The following KLHL29 variants were observed in gnomAD, a reference collection of about 807,000 sequenced individuals.
KLHL29 encodes the protein kelch-like protein 29.
Under a neutral mutation model 80.4 loss-of-function variants are expected in KLHL29, and 21 were observed. The observed-to-expected ratio is 0.26, with a 90% CI of 0.19 to 0.38. The LOEUF is 0.38. Ranked by LOEUF, KLHL29 falls within the 10% of genes least tolerant of loss-of-function variation. KLHL29 has a pLI of 1.00. For synonymous variants in KLHL29, 511 were observed against 526.8 expected (o/e 0.97, Z 0.41); for missense variants, 867 against 1,223.9 (o/e 0.71, Z 4.35).
intron 3 of KLHL29, among the ~76,000 whole-genome samples, chr2:23,566,493 G>A (rs190046285): frequency 1.3e-5 from 2 of 152,326 alleles, no homozygotes; most frequent in East Asian, 1.9e-4. Flanking sequence ...CATTGTTATG[G>A]TAACTTTTCC....
chr2:23,701,983 T>A (rs1394953595), intron 11 of KLHL29, among the ~76,000 whole-genome samples: 1 of 149,598 alleles, frequency 6.7e-6, no homozygotes, highest in African/African-American at 2.4e-5. Flanking sequence ...CAGCTAATTT[T>A]TTTTTTTTTT....
intron 1 of KLHL29, among the ~76,000 whole-genome samples, chr2:23,465,947 G>T (rs999498354): frequency 6.6e-6 from 1 of 151,806 alleles, no homozygotes; most frequent in South Asian, 2.1e-4. Context: ...TGCCAATCCC[G>T]CCACCTTCCC....
In KLHL29 at chr2:23,682,658, C is replaced by A. The variant is rs567607108; in HGVS notation, c.941-1741C>A. Among the ~76,000 whole-genome samples the A allele has an allele frequency of 1.4e-3, 215 of 152,252 alleles. No individual in the cohort carries two copies. The highest frequency in any genetic ancestry group is 2.9e-3 in the Non-Finnish European group (196 of 68,002). On this transcript the variant is annotated intron_variant, in intron 5 of 13. Coordinates refer to ENST00000486442, the MANE Select transcript of KLHL29 (RefSeq NM_052920.2). The surrounding 1 kb of genome is among the most constrained non-coding windows in gnomAD (Gnocchi z 4.1). ...CCCTTTTGTCCACCTGCACCTGCCC[C>A]CTCGTGCTCCTGCACCCTCCCACAC...
chr2:23,476,844 C>T (rs1259209822), intron 2 of KLHL29, among the ~76,000 whole-genome samples: 1 of 152,216 alleles, frequency 6.6e-6, no homozygotes, highest in Admixed American at 6.5e-5. Flanking sequence ...TGGGAGGGCA[C>T]AATCTTATGA....
chr2:23,539,431 CCTTTTTTTTTTT>C (rs1335279561), intron 2 of KLHL29, among the ~76,000 whole-genome samples: 4 of 107,216 alleles, frequency 3.7e-5, no homozygotes, highest in Non-Finnish European at 5.6e-5. Context: ...TATCCTGCCT[CCTTTTTTTTTTT>C]TTTTTTTTTT....
intron 2 of KLHL29, among the ~76,000 whole-genome samples, chr2:23,524,505 G>A (rs974468112): frequency 1.3e-5 from 2 of 152,246 alleles, no homozygotes; most frequent in Non-Finnish European, 2.9e-5. Context: ...GTGGCCACAC[G>A]GCTGGCAGGC....
At chr2:23,632,857 A>G (rs1198784450) in intron 3 of KLHL29, among the ~76,000 whole-genome samples, 1 of 152,220 alleles carries the variant, frequency 6.6e-6, no homozygotes, top group Non-Finnish European at 1.5e-5. Context: ...GCCTCCTCAC[A>G]TCACCCAGCT....
chr2:23,645,677 C>A (rs1669908116), intron 5 of KLHL29, among the ~76,000 whole-genome samples: 1 of 152,130 alleles, frequency 6.6e-6, no homozygotes, highest in African/African-American at 2.4e-5. Flanking sequence ...GAGGGATGGG[C>A]CACTGGTATT....
intron 2 of KLHL29, among the ~76,000 whole-genome samples, chr2:23,483,574 A>G (rs1333782287): frequency 1.3e-5 from 2 of 152,118 alleles, no homozygotes; most frequent in Non-Finnish European, 2.9e-5. Flanking sequence ...TCCAACTCCA[A>G]TTTGTTGGAA....
At chr2:23,410,452 G>T (rs1029377427) in intron 1 of KLHL29, among the ~76,000 whole-genome samples, 2 of 152,170 alleles carry the variant, frequency 1.3e-5, no homozygotes, top group Non-Finnish European at 2.9e-5. Flanking sequence ...AGGTATATTG[G>T]AGAAAACTGA....
chr2:23,456,960 G>A (rs1664072248), intron 1 of KLHL29, among the ~76,000 whole-genome samples: 1 of 152,202 alleles, frequency 6.6e-6, no homozygotes, highest in Admixed American at 6.5e-5. Flanking sequence ...AGGTCACACA[G>A]GCCACCGCAG....
chr2:23,642,156 G>A (rs184198631), intron 4 of KLHL29, among the ~76,000 whole-genome samples, 182 bp from the exon 5 acceptor site: 20 of 152,250 alleles, frequency 1.3e-4, no homozygotes, highest in African/African-American at 3.4e-4. Context: ...CTGTTTGTTC[G>A]TAGACCCCCT....
intron 1 of KLHL29, among the ~76,000 whole-genome samples, chr2:23,432,995 T>A (rs1663227162): frequency 6.6e-6 from 1 of 152,142 alleles, no homozygotes; most frequent in Non-Finnish European, 1.5e-5. Flanking sequence ...CAAAGGGGAC[T>A]TTGGGGTTCA....
chr2:23,423,821 G>A (rs1346667157), intron 1 of KLHL29, among the ~76,000 whole-genome samples: 3 of 152,192 alleles, frequency 2.0e-5, no homozygotes, highest in Admixed American at 1.3e-4. Context: ...CGATGTGTCC[G>A]CATAGGCCAG....
chr2:23,470,069 AC>A (rs1421230148), intron 1 of KLHL29, among the ~76,000 whole-genome samples: 2 of 151,766 alleles, frequency 1.3e-5, no homozygotes, highest in African/African-American at 4.8e-5. Flanking sequence ...TTTTCCTGAA[AC>A]CTTTCATGCT....
At chr2:23,489,114 T>G (rs1013654465) in intron 2 of KLHL29, among the ~76,000 whole-genome samples, 1 of 152,162 alleles carries the variant, frequency 6.6e-6, no homozygotes, top group Non-Finnish European at 1.5e-5. Flanking sequence ...AAACTGGTGT[T>G]TATCACAAAG....
chr2:23,530,593 A>G (rs1158168421), intron 2 of KLHL29, among the ~76,000 whole-genome samples: 2 of 152,160 alleles, frequency 1.3e-5, no homozygotes, highest in Non-Finnish European at 2.9e-5. Flanking sequence ...GAATACTAGC[A>G]TTTTGTTTTG....
chr2:23,646,235 G>A (rs544108839), intron 5 of KLHL29, among the ~76,000 whole-genome samples: 14 of 152,244 alleles, frequency 9.2e-5, no homozygotes, highest in African/African-American at 2.4e-4. Flanking sequence ...CTCAGGCCTC[G>A]GTGAGACCTG....
At chr2:23,539,794 T>C (rs1262034114) in intron 2 of KLHL29, among the ~76,000 whole-genome samples, 4 of 152,268 alleles carry the variant, frequency 2.6e-5, no homozygotes, top group African/African-American at 9.6e-5. Flanking sequence ...TCATTCTCTT[T>C]TTCCAGCCAC....
Sources: allele counts gnomAD v4.1 joint callset (sites outside exome capture counted in the v4.1 genomes callset), GRCh38; gene constraint gnomAD v4.1.1; non-coding constraint Gnocchi (gnomAD v3.1); transcripts MANE v1.5; gene names NCBI Gene and HGNC (gene_info 2026-07-23, HGNC 2026-07-21).